Variants in ITPR2 observed in about 807,000 individuals in gnomAD.
ITPR2 encodes the protein inositol 1,4,5-trisphosphate receptor type 2.
Under a neutral mutation model 317.1 loss-of-function variants are expected in ITPR2, and 207 were observed. The ratio of observed to expected loss-of-function variants is 0.65; its 90% CI spans 0.58 to 0.73. The LOEUF (loss-of-function observed/expected upper bound fraction) is 0.73. Among genes scored for constraint, ITPR2 ranks in the 30% least tolerant of loss-of-function variants. ITPR2 has a pLI of 0.00. For missense variants in ITPR2, 2,613 were observed against 3,284.0 expected (o/e 0.80, Z 4.99); for synonymous variants, 1,156 against 1,149.1 (o/e 1.01, Z -0.12).
intron 9 of ITPR2, among the ~76,000 whole-genome samples, chr12:26,700,892 C>T (rs1333639410): frequency 6.6e-6 from 1 of 152,098 alleles, no homozygotes; most frequent in Non-Finnish European, 1.5e-5. Context: ...GAGAGAAAAC[C>T]GTTTATCATG....
At chr12:26,789,243 AG>A (rs2137209796) in intron 2 of ITPR2, among the ~76,000 whole-genome samples, 1 of 152,352 alleles carries the variant, frequency 6.6e-6, no homozygotes, top group East Asian at 1.9e-4. Flanking sequence ...CTCAGTCTAG[AG>A]AAAATGAAAT....
intron 37 of ITPR2, among the ~76,000 whole-genome samples, chr12:26,513,032 G>A (rs576809145): frequency 4.6e-5 from 7 of 151,948 alleles, no homozygotes; most frequent in East Asian, 1.9e-4. Flanking sequence ...TAGTAGAGAC[G>A]GGGTTTCACC....
At chr12:26,609,328 C>T (rs1946210440) in intron 26 of ITPR2, among the ~76,000 whole-genome samples, 1 of 152,172 alleles carries the variant, frequency 6.6e-6, no homozygotes, top group Admixed American at 6.5e-5. Context: ...AAGTGGAGGA[C>T]AGGCGCAGGG....
At chr12:26,538,616 A>G (rs9668498) in intron 37 of ITPR2, among the ~76,000 whole-genome samples, 83,338 of 151,092 alleles carry the variant, frequency 0.55, 26,551 homozygotes, top group Non-Finnish European at 0.74. Context: ...TCACTCTGTC[A>G]CCGAGGCTGG....
intron 48 of ITPR2, among the ~76,000 whole-genome samples, chr12:26,430,128 T>C (rs188530306): frequency 4.7e-4 from 72 of 152,328 alleles, no homozygotes; most frequent in Non-Finnish European, 8.5e-4. Flanking sequence ...AAATATATAT[T>C]TGTGGAATAA....
At chr12:26,364,992 A>G (rs1938961552) in intron 55 of ITPR2, among the ~76,000 whole-genome samples, 1 of 152,210 alleles carries the variant, frequency 6.6e-6, no homozygotes, top group South Asian at 2.1e-4. Context: ...ACTGCGTTCT[A>G]TTTTAAGCAA....
At chr12:26,682,505 A>G in intron 12 of ITPR2, 69 bp downstream of exon 12, 1 of 937,152 alleles carries the variant, frequency 1.1e-6, no homozygotes, top group Non-Finnish European at 1.7e-6. Flanking sequence ...TGTGTCACAC[A>G]GCATTCCTAT....
intron 2 of ITPR2, among the ~76,000 whole-genome samples, chr12:26,776,190 C>T (rs939326235): frequency 2.6e-5 from 4 of 151,902 alleles, no homozygotes; most frequent in Middle Eastern, 3.2e-3. Flanking sequence ...GCAAAATAAA[C>T]GCATTTGACA....
chr12:26,706,290 G>C (rs1265390166), intron 9 of ITPR2, among the ~76,000 whole-genome samples: 49 of 152,214 alleles, frequency 3.2e-4, no homozygotes, highest in Admixed American at 3.1e-3. Flanking sequence ...ACTCTGGAGT[G>C]GTCTTCTTTA....
intron 32 of ITPR2, among the ~76,000 whole-genome samples, chr12:26,586,188 A>G (rs1277332280): frequency 6.6e-6 from 1 of 152,130 alleles, no homozygotes; most frequent in Non-Finnish European, 1.5e-5. Context: ...TCTGTTGCCC[A>G]GGCTGGAGTG....
At chr12:26,725,605 G>T (rs1948906003) in intron 3 of ITPR2, 45 bp downstream of exon 3, 1 of 1,264,578 alleles carries the variant, frequency 7.9e-7, no homozygotes, top group Non-Finnish European at 1.2e-6. Flanking sequence ...TATTATTGCT[G>T]TACTTGGTTA....
Position 26,556,298 on chromosome 12 carries a change from G to A in ITPR2, c.4899C>T (p.Tyr1633=). 1.2e-6 allele frequency: 2 copies of A among 1,614,044 alleles called. No individual in the cohort carries two copies. The highest frequency in any genetic ancestry group is 2.2e-5 in the South Asian group (2 of 91,072). The change falls in exon 36 of 57, where the codon TAC becomes TAT. Residue 1633 remains tyrosine (Y), a synonymous_variant. Coordinates refer to ENST00000381340, the MANE Select transcript of ITPR2 (RefSeq NM_002223.4). ...CCTCAGGGAACAGCAGTTCTGGACTGTACAATACATCAACCAACACTGAGA... is the reference window on the plus strand; with the variant it reads ...CCTCAGGGAACAGCAGTTCTGGACTATACAATACATCAACCAACACTGAGA... ...AEFSVLVDVL[Y]SPELLFPEGS... is the part of the protein sequence containing the mutation.
chr12:26,540,716 T>C (rs973298724), intron 37 of ITPR2, among the ~76,000 whole-genome samples: 2 of 152,166 alleles, frequency 1.3e-5, no homozygotes, highest in African/African-American at 4.8e-5. Flanking sequence ...AACTTTGTAA[T>C]TTTTTTGTAA....
intron 3 of ITPR2, among the ~76,000 whole-genome samples, chr12:26,724,964 A>G (rs1439853408): frequency 2.6e-5 from 4 of 152,170 alleles, no homozygotes; most frequent in Admixed American, 2.6e-4. Context: ...AAGTATTTGG[A>G]AACTTGGGGA....
At chr12:26,517,329 G>A (rs1042930050) in intron 37 of ITPR2, among the ~76,000 whole-genome samples, 2 of 152,024 alleles carry the variant, frequency 1.3e-5, no homozygotes, top group African/African-American at 4.8e-5. Flanking sequence ...GAATCTATAA[G>A]GATTTTAAAC....
intron 39 of ITPR2, among the ~76,000 whole-genome samples, chr12:26,492,893 ATATGTGTGTGTG>A (rs201755442): frequency 5.5e-4 from 52 of 93,786 alleles, no homozygotes; most frequent in East Asian, 4.3e-3. Context: ...TCATTGCACG[ATATGTGTGTGTG>A]TATGTGTGTG....
chr12:26,621,875 T>G (rs1273519969), intron 25 of ITPR2, among the ~76,000 whole-genome samples: 2 of 152,220 alleles, frequency 1.3e-5, no homozygotes, highest in Non-Finnish European at 2.9e-5. Flanking sequence ...TATGCAGTTT[T>G]CAATCATAAA....
intron 54 of ITPR2, among the ~76,000 whole-genome samples, chr12:26,397,885 AGAG>A (rs1565504392): frequency 6.6e-6 from 1 of 152,130 alleles, no homozygotes; most frequent in Non-Finnish European, 1.5e-5. Context: ...CACCCAAAGA[AGAG>A]GATAGATTCT....
At chr12:26,463,901 C>T (rs960809666) in intron 45 of ITPR2, among the ~76,000 whole-genome samples, 1 of 152,140 alleles carries the variant, frequency 6.6e-6, no homozygotes, top group Admixed American at 6.5e-5. Flanking sequence ...AGAGAAGCTG[C>T]TCTCACACAC....
Sources: allele counts gnomAD v4.1 joint callset (sites outside exome capture counted in the v4.1 genomes callset), GRCh38; gene constraint gnomAD v4.1.1; transcripts MANE v1.5; gene names NCBI Gene and HGNC (gene_info 2026-07-23, HGNC 2026-07-21).